The following PACRG variants were observed in gnomAD, a reference collection of about 807,000 sequenced individuals.
PACRG encodes the protein parkin coregulated, also known as parkin coregulated gene protein.
A neutral mutation model predicts 29.7 loss-of-function variants in PACRG; 29 were observed. That is an observed-to-expected ratio of 0.98 (90% confidence interval 0.73 to 1.33). The LOEUF is 1.33. PACRG is among the 40% of genes most tolerant of loss of function. The probability of loss-of-function intolerance (pLI) is 0.00; values close to 1 mark genes in which losing one functional copy is unlikely to be tolerated. For synonymous variants in PACRG, 116 were observed against 118.7 expected (o/e 0.98, Z 0.15); for missense variants, 279 against 316.2 (o/e 0.88, Z 0.89).
At chr6:162,910,958 T>G (rs1281417873) in intron 2 of PACRG, among the ~76,000 whole-genome samples, 1 of 152,198 alleles carries the variant, frequency 6.6e-6, no homozygotes. Context: ...TATAACTCAT[T>G]TACCATCCCA....
At position 163,269,845 on chromosome 6, in the gene PACRG, G is replaced by GAA. The variant is rs57565274; in HGVS notation, c.614-44980_614-44979dup. Among the ~76,000 whole-genome samples, 17 of 65,174 alleles carry GAA rather than the reference G, an allele frequency of 2.6e-4. 3 individuals carry two copies. The highest frequency in any genetic ancestry group is 5.0e-4 in the South Asian group (1 of 1,988). The allele number at this position is 65,174 out of a possible 152,430, so 42.8% of individuals were successfully genotyped here. On this transcript the variant is annotated intron_variant, in intron 4 of 4. Transcript: ENST00000366888. ...GGAGAAAGAAAGAAAGAAAAAGAAA[G>GAA]AAAGAAAGAAAGAGAAAGAAAGAGA...
chr6:162,882,985 C>A (rs531903510), intron 2 of PACRG, among the ~76,000 whole-genome samples: 4 of 152,228 alleles, frequency 2.6e-5, no homozygotes, highest in African/African-American at 9.6e-5. Flanking sequence ...GTGCTCTCTG[C>A]GCTCTGACCC....
intron 2 of PACRG, among the ~76,000 whole-genome samples, chr6:162,912,479 A>T (rs1796369792): frequency 6.6e-6 from 1 of 152,072 alleles, no homozygotes; most frequent in Non-Finnish European, 1.5e-5. Flanking sequence ...CAGCTTTGTA[A>T]CTTCTGCCAC....
chr6:163,302,496 G>T (rs1052845264), intron 4 of PACRG, among the ~76,000 whole-genome samples: 1 of 152,164 alleles, frequency 6.6e-6, no homozygotes, highest in African/African-American at 2.4e-5. Context: ...TGTAAAAGGC[G>T]TGATGGATTT....
At chr6:162,932,369 ATACTT>A (rs1797916827) in intron 2 of PACRG, among the ~76,000 whole-genome samples, 1 of 152,002 alleles carries the variant, frequency 6.6e-6, no homozygotes, top group South Asian at 2.1e-4. Context: ...ATCAAATTGT[ATACTT>A]TAATAGTACA....
At chr6:163,302,495 C>T (rs1466446422) in intron 4 of PACRG, among the ~76,000 whole-genome samples, 2 of 152,140 alleles carry the variant, frequency 1.3e-5, no homozygotes, top group Admixed American at 6.5e-5. Flanking sequence ...TTGTAAAAGG[C>T]GTGATGGATT....
Position 162,728,366 on chromosome 6 carries a change from T to C in PACRG, c.131T>C (p.Val44Ala). The C allele has an allele frequency of 6.2e-7, 1 of 1,613,278 alleles. No homozygotes were observed. Among genetic ancestry groups the C allele is most frequent in the Non-Finnish European group, 8.5e-7 (1 of 1,179,976 alleles). The change falls in exon 1 of 5, where the codon GTC becomes GCC. Residue 44 changes from valine to alanine, a missense_variant. Transcript: ENST00000366888. ...TCTCTGGTTTCTGAGGGTTTCACAGTCAAAGCCATGATGAAAAACTCAGTC... is the reference window on the plus strand; with the variant it reads ...TCTCTGGTTTCTGAGGGTTTCACAGCCAAAGCCATGATGAAAAACTCAGTC... ...PHSLVSEGFTVKAMMKNSVVR... is the reference protein window; with the variant it reads ...PHSLVSEGFTAKAMMKNSVVR...
At chr6:162,845,903 A>G (rs1237226791) in intron 2 of PACRG, among the ~76,000 whole-genome samples, 3 of 152,198 alleles carry the variant, frequency 2.0e-5, no homozygotes, top group Non-Finnish European at 4.4e-5. Context: ...ATCATTTCCC[A>G]GCATCATTAG....
At chr6:162,748,029 C>T (rs1400461679) in intron 1 of PACRG, among the ~76,000 whole-genome samples, 1 of 152,094 alleles carries the variant, frequency 6.6e-6, no homozygotes, top group Non-Finnish European at 1.5e-5. Flanking sequence ...TTTTACTATT[C>T]TAAAATAATT....
intron 2 of PACRG, among the ~76,000 whole-genome samples, chr6:163,038,006 A>G (rs776374418): frequency 6.6e-6 from 1 of 152,278 alleles, no homozygotes; most frequent in Non-Finnish European, 1.5e-5. Context: ...AATAATGATT[A>G]GCAAGTACCA....
At chr6:162,737,681 T>A (rs1780271623) in intron 1 of PACRG, among the ~76,000 whole-genome samples, 1 of 152,172 alleles carries the variant, frequency 6.6e-6, no homozygotes, top group Non-Finnish European at 1.5e-5. Flanking sequence ...CCAGAATGTT[T>A]ATTTTAAATT....
intron 2 of PACRG, among the ~76,000 whole-genome samples, chr6:162,930,696 T>C (rs1454429093): frequency 6.6e-6 from 1 of 152,026 alleles, no homozygotes; most frequent in African/African-American, 2.4e-5. Flanking sequence ...CTTTCAATTT[T>C]CCCTGTTCAG....
intron 2 of PACRG, among the ~76,000 whole-genome samples, chr6:162,898,920 C>T (rs1457186842): frequency 6.6e-6 from 1 of 152,126 alleles, no homozygotes; most frequent in African/African-American, 2.4e-5. Context: ...TGGGTAATGT[C>T]CCTATTTCAT....
intron 4 of PACRG, among the ~76,000 whole-genome samples, chr6:163,131,670 G>A (rs1234925245): frequency 6.6e-6 from 1 of 152,090 alleles, no homozygotes; most frequent in African/African-American, 2.4e-5. Context: ...GCTGTTGAAT[G>A]TTAAGAGCCC....
At chr6:163,194,672 G>A (rs1195723066) in intron 4 of PACRG, among the ~76,000 whole-genome samples, 1 of 152,198 alleles carries the variant, frequency 6.6e-6, no homozygotes, top group African/African-American at 2.4e-5. Flanking sequence ...TTTGTAAGCG[G>A]TGGTTGCTTC....
chr6:162,796,146 T>C (rs1279879668), intron 1 of PACRG, among the ~76,000 whole-genome samples: 3 of 152,200 alleles, frequency 2.0e-5, no homozygotes, highest in African/African-American at 7.2e-5. Flanking sequence ...AGGACATCCA[T>C]ATCTTCTTCT....
intron 2 of PACRG, among the ~76,000 whole-genome samples, chr6:162,976,598 T>C (rs1584919277): frequency 6.6e-6 from 1 of 152,328 alleles, no homozygotes; most frequent in East Asian, 1.9e-4. Context: ...AACAGCAGTG[T>C]GGTATCCAGA....
chr6:163,205,764 G>A (rs1030232237), intron 4 of PACRG, among the ~76,000 whole-genome samples: 10 of 152,090 alleles, frequency 6.6e-5, no homozygotes, highest in African/African-American at 2.4e-4. Flanking sequence ...CATTGACAGA[G>A]TAAACAGATA....
intron 4 of PACRG, among the ~76,000 whole-genome samples, chr6:163,173,371 C>T (rs1343126736): frequency 3.3e-5 from 5 of 152,178 alleles, no homozygotes; most frequent in Admixed American, 6.5e-5. Flanking sequence ...TTTGGCATTT[C>T]CAAAAACAGT....
Sources: allele counts gnomAD v4.1 joint callset (sites outside exome capture counted in the v4.1 genomes callset), GRCh38; gene constraint gnomAD v4.1.1; transcripts MANE v1.5; gene names NCBI Gene and HGNC (gene_info 2026-07-23, HGNC 2026-07-21).